The following LINGO2 variants were observed in gnomAD, a reference collection of about 807,000 sequenced individuals.
The protein encoded by LINGO2 is leucine-rich repeat and immunoglobulin-like domain-containing nogo receptor-interacting protein 2.
Under a neutral mutation model 30.6 loss-of-function variants are expected in LINGO2, and 14 were observed. The observed-to-expected ratio is 0.46, with a 90% CI of 0.30 to 0.72. LINGO2 has a LOEUF of 0.72. LINGO2 is among the 30% of genes least tolerant of loss of function. The pLI, the probability that LINGO2 is intolerant of heterozygous loss-of-function variation, is 0.07. For synonymous variants in LINGO2, 317 were observed against 288.5 expected (o/e 1.10, Z -1.00); for missense variants, 729 against 751.7 (o/e 0.97, Z 0.35).
chr9:29,188,811 C>A, the LINGO2 span, among the ~76,000 whole-genome samples: 1 of 135,902 alleles, frequency 7.4e-6, no homozygotes, highest in African/African-American at 2.9e-5. Flanking sequence ...CCGGACAGGG[C>A]GGCTGGCCAG....
chr9:28,021,775 T>C (rs1294521372), intron 4 of LINGO2, among the ~76,000 whole-genome samples: 1 of 152,124 alleles, frequency 6.6e-6, no homozygotes, highest in Non-Finnish European at 1.5e-5. Flanking sequence ...TGAAGTCAGT[T>C]TCGTTTAATA....
the LINGO2 span, among the ~76,000 whole-genome samples, chr9:28,753,854 C>T: frequency 3.3e-5 from 5 of 151,884 alleles, no homozygotes; most frequent in East Asian, 1.9e-4. Context: ...TAAAAGAAAA[C>T]GTATGTAAAG....
chr9:28,822,342 T>C, the LINGO2 span, among the ~76,000 whole-genome samples: 2 of 152,268 alleles, frequency 1.3e-5, no homozygotes, highest in Non-Finnish European at 2.9e-5. Context: ...CTGATCACAA[T>C]ATGGAAGTTT....
At chr9:28,637,278 T>C (rs1171752322) in intron 1 of LINGO2, among the ~76,000 whole-genome samples, 6 of 152,186 alleles carry the variant, frequency 3.9e-5, no homozygotes, top group Non-Finnish European at 8.8e-5. Flanking sequence ...TTTGTTCTTT[T>C]GGCTTAGGAT....
At chr9:29,110,063 AAAC>A in the LINGO2 span, among the ~76,000 whole-genome samples, 2 of 152,336 alleles carry the variant, frequency 1.3e-5, no homozygotes, top group African/African-American at 2.4e-5. Flanking sequence ...AGCCGTGATA[AAAC>A]AACAAGAAAC....
At chr9:28,848,063 GTA>G in the LINGO2 span, among the ~76,000 whole-genome samples, 2 of 6,364 alleles carry the variant, frequency 3.1e-4, 1 homozygote, top group African/African-American at 1.7e-3. Flanking sequence ...ATATATATAT[GTA>G]TATAATATAT....
chr9:29,075,419 G>A, the LINGO2 span, among the ~76,000 whole-genome samples: 1 of 152,098 alleles, frequency 6.6e-6, no homozygotes, highest in Admixed American at 6.6e-5. Flanking sequence ...GTGATTGGAG[G>A]AGTGCATTTT....
chr9:29,092,525 CTT>C, the LINGO2 span, among the ~76,000 whole-genome samples: 1 of 152,024 alleles, frequency 6.6e-6, no homozygotes, highest in Admixed American at 6.6e-5. Context: ...GTTCAACTAA[CTT>C]AACTCATACA....
chr9:28,273,919 T>TG (rs1327400171), intron 4 of LINGO2, among the ~76,000 whole-genome samples: 1 of 152,098 alleles, frequency 6.6e-6, no homozygotes, highest in Non-Finnish European at 1.5e-5. Context: ...AATATTCCCC[T>TG]GCCTAGAGAG....
At chr9:28,937,507 A>G in the LINGO2 span, among the ~76,000 whole-genome samples, 112,080 of 152,088 alleles carry the variant, frequency 0.74, 41,474 homozygotes, top group Non-Finnish European at 0.78. Flanking sequence ...AAGGTTCCAG[A>G]GAATAATTCT....
the LINGO2 span, chr9:28,888,787 T>C: frequency 1.0e-3 from 508 of 493,544 alleles, 3 homozygotes; most frequent in East Asian, 0.027. Flanking sequence ...GAACTTAAAC[T>C]TATACTCAGA....
In LINGO2 at chr9:28,148,467, A is replaced by G; in HGVS notation, c.-86-136062T>C. ...GCAGAAGAGCCCAGAGAAGCAACGG[A>G]GGTGACAGACCAGGTAGAGACCCAG... On this transcript the variant is annotated intron_variant, in intron 4 of 5. Coordinates refer to ENST00000379992, the Ensembl canonical transcript of LINGO2. The surrounding 1 kb of genome is among the most constrained non-coding windows in gnomAD (Gnocchi z 5.1). 7.1e-7 allele frequency: 1 copy of G among 1,417,928 alleles called. No individual in the cohort carries two copies. The highest frequency in any genetic ancestry group is 9.6e-7 in the Non-Finnish European group (1 of 1,040,428). 87.8% of individuals were successfully genotyped at this position (1,417,928 alleles called of 1,614,324 possible). A position where few individuals can be genotyped will look rare whatever the true frequency, so the allele number is the denominator to read the frequency against.
intron 4 of LINGO2, among the ~76,000 whole-genome samples, chr9:28,193,051 T>A (rs958575456): frequency 3.3e-5 from 5 of 152,296 alleles, no homozygotes; most frequent in African/African-American, 1.2e-4. Flanking sequence ...ACTGACATAG[T>A]ACAAATTTAA....
intron 1 of LINGO2, among the ~76,000 whole-genome samples, chr9:28,532,529 C>T (rs966104687): frequency 3.9e-5 from 6 of 151,984 alleles, no homozygotes; most frequent in Admixed American, 2.0e-4. Flanking sequence ...GGCTTTGTAC[C>T]TGCCCTGGGA....
intron 4 of LINGO2, among the ~76,000 whole-genome samples, chr9:28,091,489 G>A (rs1460755500): frequency 2.0e-5 from 3 of 152,280 alleles, no homozygotes; most frequent in South Asian, 4.1e-4. Context: ...GGGAAAACTG[G>A]CTAGCCATAT....
At chr9:28,206,160 G>C in intron 4 of LINGO2, among the ~76,000 whole-genome samples, 1 of 63,834 alleles carries the variant, frequency 1.6e-5, no homozygotes, top group East Asian at 4.4e-4. Context: ...GTGAGACCCT[G>C]TTTCAAAAAA....
the LINGO2 span, among the ~76,000 whole-genome samples, chr9:29,129,911 A>C: frequency 1.3e-5 from 2 of 152,158 alleles, no homozygotes; most frequent in Non-Finnish European, 2.9e-5. Flanking sequence ...AACAAGTCAG[A>C]AAGTCCAAGC....
the LINGO2 span, among the ~76,000 whole-genome samples, chr9:28,852,329 T>G: frequency 6.6e-6 from 1 of 151,984 alleles, no homozygotes; most frequent in Admixed American, 6.6e-5. Flanking sequence ...CTCTTAGTAT[T>G]ACAGAGAACA....
At chr9:28,553,475 T>C (rs377693712) in intron 1 of LINGO2, among the ~76,000 whole-genome samples, 4 of 151,766 alleles carry the variant, frequency 2.6e-5, no homozygotes, top group South Asian at 2.1e-4. Flanking sequence ...ACGAGCAAAG[T>C]CTCCAAGAAA....
Sources: allele counts gnomAD v4.1 joint callset (sites outside exome capture counted in the v4.1 genomes callset), GRCh38; gene constraint gnomAD v4.1.1; non-coding constraint Gnocchi (gnomAD v3.1); transcripts MANE v1.5; gene names NCBI Gene and HGNC (gene_info 2026-07-23, HGNC 2026-07-21).